The following KCNQ3 variants were observed in gnomAD, a reference collection of about 807,000 sequenced individuals.
KCNQ3 encodes potassium voltage-gated channel subfamily KQT member 3.
In KCNQ3, 30 loss-of-function variants were observed where a neutral mutation model predicts 92.5. That is an observed-to-expected ratio of 0.32 (90% CI 0.24 to 0.44). The LOEUF is 0.44. Among genes scored for constraint, KCNQ3 ranks in the 20% least tolerant of loss-of-function variants. The pLI, the probability that KCNQ3 is intolerant of heterozygous loss-of-function variation, is 1.00. For missense variants in KCNQ3, 913 were observed against 1,140.3 expected (o/e 0.80, Z 2.87); for synonymous variants, 450 against 468.8 (o/e 0.96, Z 0.52).
At chr8:132,226,099 G>A (rs1423673129) in intron 1 of KCNQ3, among the ~76,000 whole-genome samples, 2 of 151,948 alleles carry the variant, frequency 1.3e-5, no homozygotes, top group Non-Finnish European at 2.9e-5. Flanking sequence ...GCGAAACCCC[G>A]TCTCTACTAA....
chr8:132,185,091 C>T (rs529182257), intron 2 of KCNQ3, among the ~76,000 whole-genome samples: 1 of 152,312 alleles, frequency 6.6e-6, no homozygotes, highest in East Asian at 1.9e-4. Flanking sequence ...ATTGCTGCTC[C>T]ACGACAATCC....
At chr8:132,138,450 C>A (rs1396421920) in intron 11 of KCNQ3, among the ~76,000 whole-genome samples, 1 of 152,178 alleles carries the variant, frequency 6.6e-6, no homozygotes, top group Non-Finnish European at 1.5e-5. Flanking sequence ...GGCTGGTGCT[C>A]TTAATCACTG....
At chr8:132,461,372 T>C (rs1314311027) in intron 1 of KCNQ3, among the ~76,000 whole-genome samples, 1 of 152,152 alleles carries the variant, frequency 6.6e-6, no homozygotes, top group Non-Finnish European at 1.5e-5. Flanking sequence ...GAGACCGGCC[T>C]GGCCAACGTG....
At position 132,129,493 on chromosome 8, in the gene KCNQ3, G is replaced by A. The variant is rs957388952; in HGVS notation, c.2388C>T (p.Asn796=). The part of the protein sequence containing the change: ...SDTPLSLMSV[N]HEELERSPSG... ...TTGGAGACCTCTCCAGCTCCTCGTG[G>A]TTGACCGACATCAGGGACAGAGGTG... The change falls in exon 15 of 15, where the codon AAC becomes AAT. Residue 796 remains asparagine (N), a synonymous_variant. Coordinates refer to ENST00000388996, the MANE Select transcript of KCNQ3 (RefSeq NM_004519.4). The surrounding 1 kb of genome is among the most constrained non-coding windows in gnomAD (Gnocchi z 5.9). 13 of 1,614,074 alleles carry A rather than the reference G, an allele frequency of 8.1e-6. 1 individual carries two copies. The Middle Eastern group carries it at 9.9e-4, about 122-fold the overall frequency.
intron 1 of KCNQ3, among the ~76,000 whole-genome samples, chr8:132,457,738 C>A (rs1027057349): frequency 6.6e-6 from 1 of 152,184 alleles, no homozygotes; most frequent in African/African-American, 2.4e-5. Flanking sequence ...ATTAGCATTA[C>A]CCTTACCATC....
intron 1 of KCNQ3, among the ~76,000 whole-genome samples, chr8:132,192,493 C>T (rs945789750): frequency 2.0e-5 from 3 of 152,112 alleles, no homozygotes; most frequent in Non-Finnish European, 4.4e-5. Flanking sequence ...ACGTGAGAGC[C>T]GCCCCCAGCT....
chr8:132,320,584 A>AC (rs1817868193), intron 1 of KCNQ3, among the ~76,000 whole-genome samples: 1 of 151,772 alleles, frequency 6.6e-6, no homozygotes, highest in South Asian at 2.1e-4. Flanking sequence ...TGTCCCTATT[A>AC]CCCCATTCAA....
chr8:132,321,139 C>T (rs1817881890), intron 1 of KCNQ3, among the ~76,000 whole-genome samples: 3 of 152,192 alleles, frequency 2.0e-5, no homozygotes, highest in African/African-American at 7.2e-5. Flanking sequence ...TGGTTTGGAA[C>T]ATAGAGTCAT....
chr8:132,298,821 TC>T (rs1817127060), intron 1 of KCNQ3, among the ~76,000 whole-genome samples: 1 of 152,134 alleles, frequency 6.6e-6, no homozygotes, highest in Non-Finnish European at 1.5e-5. Flanking sequence ...AGGCAGAGAA[TC>T]CTTTGAACTC....
chr8:132,282,660 C>T (rs1032986115), intron 1 of KCNQ3, among the ~76,000 whole-genome samples: 2 of 152,220 alleles, frequency 1.3e-5, no homozygotes, highest in Non-Finnish European at 2.9e-5. Flanking sequence ...ATAGGGCTGC[C>T]TTCTCCCCAA....
At chr8:132,282,752 G>C (rs1314444013) in intron 1 of KCNQ3, among the ~76,000 whole-genome samples, 1 of 152,200 alleles carries the variant, frequency 6.6e-6, no homozygotes, top group Non-Finnish European at 1.5e-5. Flanking sequence ...CAAGAGCTCT[G>C]CTTCCATGAA....
At chr8:132,338,116 G>C (rs899774924) in intron 1 of KCNQ3, among the ~76,000 whole-genome samples, 1 of 152,150 alleles carries the variant, frequency 6.6e-6, no homozygotes, top group Non-Finnish European at 1.5e-5. Flanking sequence ...AGTGCCTTCG[G>C]TGTGCTGGGC....
intron 1 of KCNQ3, among the ~76,000 whole-genome samples, chr8:132,259,201 TA>T (rs909270414): frequency 2.0e-5 from 3 of 151,872 alleles, no homozygotes; most frequent in Admixed American, 2.0e-4. Context: ...AATATCAGAA[TA>T]AAAAAACTAC....
intron 1 of KCNQ3, among the ~76,000 whole-genome samples, chr8:132,207,735 C>T (rs2130285253): frequency 6.6e-6 from 1 of 151,612 alleles, no homozygotes; most frequent in Admixed American, 6.6e-5. Context: ...TAGCACCTTT[C>T]TACAAATGGC....
chr8:132,258,246 A>G (rs1268898480), intron 1 of KCNQ3, among the ~76,000 whole-genome samples: 1 of 152,190 alleles, frequency 6.6e-6, no homozygotes, highest in African/African-American at 2.4e-5. Flanking sequence ...TTCCCAGAAT[A>G]TAGTATATGT....
At chr8:132,417,243 A>T (rs1395034372) in intron 1 of KCNQ3, among the ~76,000 whole-genome samples, 1 of 152,226 alleles carries the variant, frequency 6.6e-6, no homozygotes, top group Non-Finnish European at 1.5e-5. Context: ...ATAACAGAGA[A>T]CTGTTACCAT....
intron 1 of KCNQ3, among the ~76,000 whole-genome samples, chr8:132,438,818 A>C (rs1821459374): frequency 6.6e-6 from 1 of 151,870 alleles, no homozygotes; most frequent in Non-Finnish European, 1.5e-5. Flanking sequence ...TGAACAGTCT[A>C]GGCTACAACT....
At chr8:132,165,482 G>A (rs1465758038) in intron 8 of KCNQ3, among the ~76,000 whole-genome samples, 3 of 152,194 alleles carry the variant, frequency 2.0e-5, no homozygotes, top group Non-Finnish European at 2.9e-5. Context: ...CAGTAATTCG[G>A]AGGCTTCCTT....
At chr8:132,315,385 C>A (rs533650228) in intron 1 of KCNQ3, among the ~76,000 whole-genome samples, 4 of 152,006 alleles carry the variant, frequency 2.6e-5, no homozygotes, top group African/African-American at 9.6e-5. Flanking sequence ...GCCTGGGGGG[C>A]CGTAGGGTCA....
Sources: gnomAD v4.1 joint callset for allele counts (sites outside exome capture counted in the v4.1 genomes callset) on GRCh38, gnomAD v4.1.1 for gene constraint, Gnocchi (gnomAD v3.1) non-coding constraint, MANE v1.5 for transcripts, NCBI Gene and HGNC (gene_info 2026-07-23, HGNC 2026-07-21) for gene names.